The following CPS1 variants were observed in gnomAD, a reference collection of about 807,000 sequenced individuals.
CPS1 encodes the protein carbamoyl-phosphate synthase 1, also known as carbamoyl-phosphate synthase [ammonia], mitochondrial.
A neutral mutation model predicts 174.6 loss-of-function variants in CPS1; 109 were observed. The ratio of observed to expected loss-of-function variants is 0.62; its 90% CI spans 0.53 to 0.73. The LOEUF (loss-of-function observed/expected upper bound fraction) is 0.73. CPS1 is among the 30% of genes least tolerant of loss of function. The pLI is 0.00. For missense variants in CPS1, 1,689 were observed against 1,821.9 expected (o/e 0.93, Z 1.33); for synonymous variants, 637 against 632.0 (o/e 1.01, Z -0.12).
At chr2:210,624,115 G>A (rs1176332343) in intron 21 of CPS1, among the ~76,000 whole-genome samples, 1 of 151,968 alleles carries the variant, frequency 6.6e-6, no homozygotes, top group African/African-American at 2.4e-5. Context: ...TATTATTTTG[G>A]ATATAGAAAT....
At chr2:210,530,718 C>A (rs537824422) in intron 1 of CPS1, among the ~76,000 whole-genome samples, 1 of 152,140 alleles carries the variant, frequency 6.6e-6, no homozygotes, top group African/African-American at 2.4e-5. Context: ...ATCGTAAATA[C>A]TGCCTCTCTT....
At chr2:210,506,725 C>T (rs530668739) in intron 1 of CPS1, among the ~76,000 whole-genome samples, 13 of 152,144 alleles carry the variant, frequency 8.5e-5, no homozygotes, top group Admixed American at 2.6e-4. Context: ...AACTACGTGA[C>T]GAATGCACAA....
intron 27 of CPS1, among the ~76,000 whole-genome samples, chr2:210,648,797 A>G (rs749034911): frequency 1.3e-5 from 2 of 152,154 alleles, no homozygotes; most frequent in Non-Finnish European, 2.9e-5. Context: ...CCAAACAGAG[A>G]GGGTAGCTTT....
chr2:210,533,244 A>G (rs1696160869), intron 1 of CPS1, among the ~76,000 whole-genome samples: 1 of 152,148 alleles, frequency 6.6e-6, no homozygotes, highest in Non-Finnish European at 1.5e-5. Context: ...GGTTAAATGT[A>G]GATACAGTAA....
At chr2:210,497,189 A>G (rs1168924786) in intron 1 of CPS1, among the ~76,000 whole-genome samples, 1 of 152,148 alleles carries the variant, frequency 6.6e-6, no homozygotes, top group Non-Finnish European at 1.5e-5. Flanking sequence ...TTACTGTTTT[A>G]TATCTACTTT....
At chr2:210,488,912 T>C (rs144472110) in intron 1 of CPS1, among the ~76,000 whole-genome samples, 1 of 152,310 alleles carries the variant, frequency 6.6e-6, no homozygotes, top group African/African-American at 2.4e-5. Flanking sequence ...CTGAGATTTT[T>C]CTAGCAAAAC....
chr2:210,641,449 C>T (rs986071713), intron 24 of CPS1, among the ~76,000 whole-genome samples: 11 of 152,100 alleles, frequency 7.2e-5, no homozygotes, highest in Non-Finnish European at 1.2e-4. Flanking sequence ...CAGCATTAAT[C>T]TATTCATGAG....
At chr2:210,526,381 TAA>T (rs11308265) in intron 1 of CPS1, among the ~76,000 whole-genome samples, 20 of 147,392 alleles carry the variant, frequency 1.4e-4, no homozygotes, top group African/African-American at 3.0e-4. Context: ...TAAAATATAT[TAA>T]AAAAAAAAAA....
intron 1 of CPS1, among the ~76,000 whole-genome samples, chr2:210,511,090 A>T (rs1299526259): frequency 6.6e-6 from 1 of 152,196 alleles, no homozygotes; most frequent in Non-Finnish European, 1.5e-5. Context: ...ACGTATGTTT[A>T]TTGTGGCACT....
chr2:210,641,181 G>A (rs1346725627), intron 24 of CPS1, among the ~76,000 whole-genome samples: 4 of 152,260 alleles, frequency 2.6e-5, no homozygotes, highest in East Asian at 3.9e-4. Context: ...GAATGCAGTG[G>A]TATGATCATG....
intron 25 of CPS1, 53 bp downstream of exon 25, chr2:210,642,718 A>G (rs1700268287): frequency 1.4e-6 from 2 of 1,465,478 alleles, no homozygotes; most frequent in Non-Finnish European, 1.9e-6. Flanking sequence ...TATATGTAGT[A>G]TACACTTTAT....
intron 1 of CPS1, among the ~76,000 whole-genome samples, chr2:210,511,887 A>C (rs964643036): frequency 6.6e-6 from 1 of 152,086 alleles, no homozygotes; most frequent in African/African-American, 2.4e-5. Context: ...ATCTTCAATA[A>C]ATTTATTCAC....
chr2:210,645,771 C>G (rs1700360191), intron 25 of CPS1, among the ~76,000 whole-genome samples: 1 of 152,122 alleles, frequency 6.6e-6, no homozygotes, highest in African/African-American at 2.4e-5. Flanking sequence ...TGTACAAGCT[C>G]TATACATGTA....
intron 31 of CPS1, among the ~76,000 whole-genome samples, 186 bp from the exon 32 acceptor site, chr2:210,660,299 A>T (rs944472771): frequency 6.6e-6 from 1 of 152,208 alleles, no homozygotes; most frequent in Non-Finnish European, 1.5e-5. Context: ...AGAAAGTTAG[A>T]GTTCAAAGAT....
rs975910679 is a variant in CPS1, at chr2:210,589,974, A to G, written c.712-132A>G. On this transcript the variant is annotated intron_variant, in intron 7 of 37. Transcript: ENST00000233072. ...GGCCCCAAAGAAATTTTTGCTCAGC[A>G]TTATTTATTTTAAATGTTTACAAAT... 7 of 1,264,928 alleles carry G rather than the reference A, an allele frequency of 5.5e-6. No individual in the cohort carries two copies. The African/African-American group carries it at 8.9e-5, about 16-fold the overall frequency. The allele number at this position is 1,264,928 out of a possible 1,614,324, so 78.4% of individuals were successfully genotyped here.
intron 22 of CPS1, among the ~76,000 whole-genome samples, chr2:210,638,779 A>C (rs1209681815): frequency 6.6e-6 from 1 of 152,198 alleles, no homozygotes; most frequent in East Asian, 1.9e-4. Context: ...TTTGCAAGCC[A>C]AAGAGATCCT....
intron 1 of CPS1, among the ~76,000 whole-genome samples, chr2:210,512,667 G>T (rs573608408): frequency 1.4e-5 from 2 of 146,926 alleles, no homozygotes; most frequent in African/African-American, 5.0e-5. Flanking sequence ...CAATGAACAT[G>T]TGTATGCATG....
chr2:210,649,285 T>C (rs2105909814), intron 27 of CPS1, among the ~76,000 whole-genome samples: 1 of 152,336 alleles, frequency 6.6e-6, no homozygotes, highest in Admixed American at 6.5e-5. Flanking sequence ...TACTACCTGT[T>C]TGAGGAGTTA....
chr2:210,675,995 C>T (rs1416097234), intron 36 of CPS1, among the ~76,000 whole-genome samples, 155 bp downstream of exon 36: 2 of 152,234 alleles, frequency 1.3e-5, no homozygotes, highest in African/African-American at 2.4e-5. Context: ...CTCTCCATCA[C>T]TATGGAATAC....
Sources: allele counts gnomAD v4.1 joint callset (sites outside exome capture counted in the v4.1 genomes callset), GRCh38; gene constraint gnomAD v4.1.1; transcripts MANE v1.5; gene names NCBI Gene and HGNC (gene_info 2026-07-23, HGNC 2026-07-21).